The following GLIS1 variants were observed in gnomAD, a reference collection of about 807,000 sequenced individuals.
The protein encoded by GLIS1 is GLIS family zinc finger 1.
GLIS1 carries 24 observed loss-of-function variants against 63.8 expected under a neutral mutation model. The ratio of observed to expected loss-of-function variants is 0.38; its 90% CI spans 0.27 to 0.53. The LOEUF (loss-of-function observed/expected upper bound fraction) is 0.53. Ranked by LOEUF, GLIS1 falls within the 20% of genes least tolerant of loss-of-function variation. The pLI is 0.85. For synonymous variants in GLIS1, 450 were observed against 482.5 expected, an observed-to-expected ratio of 0.93 and a Z score of 0.88; for missense variants, 1,036 against 1,074.1, an observed-to-expected ratio of 0.96 and a Z score of 0.50.
intron 2 of GLIS1, among the ~76,000 whole-genome samples, chr1:53,625,224 A>C (rs2100218736): frequency 6.6e-6 from 1 of 152,346 alleles, no homozygotes; most frequent in African/African-American, 2.4e-5. Flanking sequence ...TATGAGTATG[A>C]GGAGATGACC....
In GLIS1 at chr1:53,509,254, CA is replaced by C. The variant is rs753230967; in HGVS notation, c.2095del (p.Cys699AlafsTer126). On this transcript the variant is annotated frameshift_variant, in exon 10 of 11. Coordinates refer to ENST00000628545, the MANE Select transcript of GLIS1 (RefSeq NM_001367484.1). LOFTEE classifies it high-confidence loss of function. ...CCGGTAGCAGTCGCCATAGGGGAAG[CA>C]ACTCTGGATGGAGTGGAAACTGCCC... ...YQGSFHSIQS[C>X]FPYGDCYRMA... The C allele has an allele frequency of 1.9e-6, 3 of 1,593,580 alleles. No individual in the cohort carries two copies. Among genetic ancestry groups the C allele is most frequent in the Admixed American group, 1.7e-5 (1 of 57,576 alleles).
chr1:53,571,466 C>T (rs1569847417), intron 4 of GLIS1, among the ~76,000 whole-genome samples: 1 of 152,184 alleles, frequency 6.6e-6, no homozygotes, highest in South Asian at 2.1e-4. Flanking sequence ...AAAACTGAAA[C>T]AACCCAAATG....
At chr1:53,632,127 AGTGTGACTGAGGGGT>A (rs1569952370) in intron 2 of GLIS1, among the ~76,000 whole-genome samples, 1 of 144,776 alleles carries the variant, frequency 6.9e-6, no homozygotes. Flanking sequence ...TGTGTGAATG[AGTGTGACTGAGGGGT>A]GTGTGACTGT....
At chr1:53,536,379 A>G (rs1485063720) in intron 4 of GLIS1, among the ~76,000 whole-genome samples, 1 of 152,122 alleles carries the variant, frequency 6.6e-6, no homozygotes, top group East Asian at 1.9e-4. Context: ...AAATACACAA[A>G]CAGTAAAACA....
intron 10 of GLIS1, among the ~76,000 whole-genome samples, chr1:53,507,752 T>C (rs1467891971): frequency 6.6e-6 from 1 of 152,194 alleles, no homozygotes; most frequent in African/African-American, 2.4e-5. Context: ...GAACCTCCCC[T>C]GGCCGGTGTA....
chr1:53,627,013 G>T (rs1645601294), intron 2 of GLIS1, among the ~76,000 whole-genome samples: 1 of 152,266 alleles, frequency 6.6e-6, no homozygotes, highest in Non-Finnish European at 1.5e-5. Flanking sequence ...ACGTGCCGAG[G>T]CCCTTACCAC....
intron 6 of GLIS1, among the ~76,000 whole-genome samples, chr1:53,523,811 AG>A (rs1226266187): frequency 6.6e-6 from 1 of 152,044 alleles, no homozygotes; most frequent in African/African-American, 2.4e-5. Flanking sequence ...TTACCTCTCA[AG>A]GTGCCATGTC....
Position 53,506,536 on chromosome 1 carries a change from A to C in GLIS1, c.*83T>G. The C allele has an allele frequency of 1.8e-3, 2,124 of 1,154,844 alleles. No homozygotes were observed. Among genetic ancestry groups the C allele is most frequent in the Non-Finnish European group, 2.3e-3 (1,829 of 787,492 alleles). The allele number at this position is 1,154,844 out of a possible 1,614,324, so 71.5% of individuals were successfully genotyped here. ...CCGGCTGTGGCCTGGCACTCCTGCT[A>C]GGTGCACGGAGGGTGGGAGCGACAG... On this transcript the variant is annotated 3_prime_UTR_variant, in exon 11 of 11. Transcript: ENST00000628545.
chr1:53,538,673 C>T (rs1644607286), intron 4 of GLIS1, among the ~76,000 whole-genome samples: 1 of 152,128 alleles, frequency 6.6e-6, no homozygotes, highest in African/African-American at 2.4e-5. Flanking sequence ...ACAGAGGGAC[C>T]ATACACCTCC....
At chr1:53,628,539 C>T (rs1177084172) in intron 2 of GLIS1, among the ~76,000 whole-genome samples, 7 of 152,124 alleles carry the variant, frequency 4.6e-5, no homozygotes, top group Admixed American at 2.6e-4. Flanking sequence ...ACTTTATCCA[C>T]GAATTTAACA....
chr1:53,631,103 T>C lies in GLIS1; in HGVS notation c.260-30825A>G, dbSNP rs571140926. ...TTGCCTTTTATTGCTGTTTATAACT[T>C]TTTCCCCATAAAAATGTTTTAACTT... On this transcript the variant is annotated intron_variant, in intron 2 of 10. Transcript: ENST00000628545. 1.6e-3 allele frequency among the ~76,000 whole-genome samples: 249 copies of C among 152,312 alleles called. 1 individual carries two copies. The highest frequency in any genetic ancestry group is 5.7e-3 in the African/African-American group (237 of 41,570).
intron 2 of GLIS1, among the ~76,000 whole-genome samples, chr1:53,680,737 C>T (rs1298577669): frequency 6.6e-6 from 1 of 152,196 alleles, no homozygotes; most frequent in African/African-American, 2.4e-5. Flanking sequence ...ATGAAAGACA[C>T]TCCAAAACCA....
chr1:53,515,526 T>C (rs1467414578), intron 7 of GLIS1, among the ~76,000 whole-genome samples: 1 of 152,078 alleles, frequency 6.6e-6, no homozygotes, highest in Non-Finnish European at 1.5e-5. Flanking sequence ...TCTCAGATTC[T>C]AAACCTTCAG....
intron 2 of GLIS1, among the ~76,000 whole-genome samples, chr1:53,650,311 C>T (rs56198574): frequency 0.1 from 15,233 of 152,136 alleles, 953 homozygotes; most frequent in South Asian, 0.24. Flanking sequence ...CACACTTGGC[C>T]GGGCGAGGTG....
At chr1:53,650,645 C>T (rs537578532) in intron 2 of GLIS1, among the ~76,000 whole-genome samples, 2 of 150,708 alleles carry the variant, frequency 1.3e-5, no homozygotes, top group East Asian at 1.9e-4. Flanking sequence ...GGTCATGAGG[C>T]GAGTAGGGGA....
At chr1:53,548,258 C>G (rs1644724574) in intron 4 of GLIS1, among the ~76,000 whole-genome samples, 3 of 152,228 alleles carry the variant, frequency 2.0e-5, no homozygotes, top group African/African-American at 2.4e-5. Flanking sequence ...TACTGAGAGC[C>G]TCCCTTCACA....
chr1:53,676,540 C>T (rs1646214558), intron 2 of GLIS1, among the ~76,000 whole-genome samples: 1 of 152,156 alleles, frequency 6.6e-6, no homozygotes. Context: ...GAGGGCTAGT[C>T]CCCAGAATCC....
In GLIS1 at chr1:53,646,900, A is replaced by AGAGAAGGGAAGGGAAGGAAGGT. The variant is rs1557500260; in HGVS notation, c.260-46623_260-46622insACCTTCCTTCCCTTCCCTTCTC. On this transcript the variant is annotated intron_variant, in intron 2 of 10. Transcript: ENST00000628545. This position sits in a 1 kb window ranked among gnomAD's most constrained non-coding sequence, Gnocchi z 4.2. ...GAAGGAGAAGGGAAGGGAAGGAAGG[A>AGAGAAGGGAAGGGAAGGAAGGT]AAGGAAGGAAGGGAAGGAAGGAAGG... Among the ~76,000 whole-genome samples the AGAGAAGGGAAGGGAAGGAAGGT allele has an allele frequency of 5.4e-5, 8 of 148,046 alleles. No homozygotes were observed. The highest frequency in any genetic ancestry group is 1.0e-4 in the Non-Finnish European group (7 of 66,874).
At chr1:53,690,298 C>A (rs1220749718) in intron 2 of GLIS1, among the ~76,000 whole-genome samples, 1 of 152,376 alleles carries the variant, frequency 6.6e-6, no homozygotes, top group South Asian at 2.1e-4. Context: ...GGCTCCGCTG[C>A]CCCCATCAGC....
Sources: allele counts gnomAD v4.1 joint callset (sites outside exome capture counted in the v4.1 genomes callset), GRCh38; gene constraint gnomAD v4.1.1; non-coding constraint Gnocchi (gnomAD v3.1); transcripts MANE v1.5; gene names NCBI Gene and HGNC (gene_info 2026-07-23, HGNC 2026-07-21).